GALNT13: variants seen among roughly 807,000 people sequenced by gnomAD.
The protein encoded by GALNT13 is UDP-GalNAc:polypeptide N-acetylgalactosaminyltransferase 13.
GALNT13 carries 28 observed loss-of-function variants against 64.2 expected under a neutral mutation model. The observed-to-expected ratio is 0.44, with a 90% CI of 0.32 to 0.60. GALNT13 has a LOEUF of 0.60. Ranked by LOEUF, GALNT13 falls within the 20% of genes least tolerant of loss-of-function variation. The probability of loss-of-function intolerance (pLI) is 0.05; values close to 1 mark genes in which losing one functional copy is unlikely to be tolerated. For missense variants in GALNT13, 577 were observed against 669.8 expected (o/e 0.86, Z 1.53); for synonymous variants, 214 against 224.6 (o/e 0.95, Z 0.42).
At chr2:153,661,683 G>T in the GALNT13 span, among the ~76,000 whole-genome samples, 1 of 152,162 alleles carries the variant, frequency 6.6e-6, no homozygotes, top group Non-Finnish European at 1.5e-5. Flanking sequence ...AAGAGATGAT[G>T]CAAATGAGTT....
chr2:154,036,226 G>A (rs1304350073), intron 3 of GALNT13, among the ~76,000 whole-genome samples: 1 of 152,068 alleles, frequency 6.6e-6, no homozygotes, highest in Admixed American at 6.6e-5. Flanking sequence ...TAAAGTGAGA[G>A]TATTTCAAAT....
intron 4 of GALNT13, among the ~76,000 whole-genome samples, chr2:154,179,684 G>T (rs1685849312): frequency 6.6e-6 from 1 of 151,930 alleles, no homozygotes; most frequent in Admixed American, 6.6e-5. Context: ...CGTACTAAAT[G>T]CTCATCTTTA....
At chr2:153,178,328 G>C in the GALNT13 span, among the ~76,000 whole-genome samples, 9 of 152,290 alleles carry the variant, frequency 5.9e-5, no homozygotes, top group East Asian at 1.7e-3. Flanking sequence ...CCCACCAACA[G>C]TGTACAATGG....
chr2:153,664,907 AC>A, the GALNT13 span, among the ~76,000 whole-genome samples: 1 of 152,164 alleles, frequency 6.6e-6, no homozygotes, highest in Non-Finnish European at 1.5e-5. Context: ...AAACTTCTGG[AC>A]CACAAATGGT....
chr2:153,272,161 A>C, the GALNT13 span, among the ~76,000 whole-genome samples: 1 of 152,214 alleles, frequency 6.6e-6, no homozygotes, highest in Non-Finnish European at 1.5e-5. Flanking sequence ...TAAAAACCCT[A>C]GAAGAAAACC....
intron 3 of GALNT13, among the ~76,000 whole-genome samples, chr2:154,020,310 T>C (rs942605467): frequency 1.2e-4 from 18 of 152,172 alleles, no homozygotes; most frequent in African/African-American, 3.1e-4. Context: ...GTTTACAGTC[T>C]CACCAACAGT....
intron 3 of GALNT13, among the ~76,000 whole-genome samples, chr2:154,029,332 C>A (rs1339336660): frequency 6.6e-6 from 1 of 151,736 alleles, no homozygotes; most frequent in Admixed American, 6.6e-5. Flanking sequence ...AGAAGAAAAG[C>A]CTTAAACTGC....
At chr2:154,145,078 A>C (rs370047182) in intron 4 of GALNT13, among the ~76,000 whole-genome samples, 14,035 of 97,358 alleles carry the variant, frequency 0.14, 1,078 homozygotes, top group South Asian at 0.25. Flanking sequence ...CTCTCTATCT[A>C]TCTATCTATC....
At chr2:154,380,230 C>T (rs1698203097) in intron 9 of GALNT13, among the ~76,000 whole-genome samples, 2 of 151,826 alleles carry the variant, frequency 1.3e-5, no homozygotes, top group African/African-American at 2.4e-5. Flanking sequence ...ATATGTTTTA[C>T]CCAGGAGTAA....
At chr2:153,576,155 T>TTCCTC in the GALNT13 span, among the ~76,000 whole-genome samples, 8,878 of 152,012 alleles carry the variant, frequency 0.058, 442 homozygotes, top group East Asian at 0.15. Context: ...TCCCCACTCT[T>TTCCTC]TCCTCTCCTC....
At chr2:153,698,411 G>C in the GALNT13 span, among the ~76,000 whole-genome samples, 2 of 151,688 alleles carry the variant, frequency 1.3e-5, no homozygotes, top group African/African-American at 4.8e-5. Context: ...AATTTACCAA[G>C]CAAATAGAAA....
At chr2:154,277,377 A>T (rs1488645559) in intron 8 of GALNT13, among the ~76,000 whole-genome samples, 1 of 152,184 alleles carries the variant, frequency 6.6e-6, no homozygotes, top group African/African-American at 2.4e-5. Context: ...TGTATTTTTT[A>T]TTAAAGAGCC....
At chr2:153,215,036 C>T in the GALNT13 span, among the ~76,000 whole-genome samples, 7 of 152,088 alleles carry the variant, frequency 4.6e-5, no homozygotes, top group Non-Finnish European at 8.8e-5. Flanking sequence ...TGACGATACT[C>T]ACCATCACTA....
At chr2:153,450,172 A>G in the GALNT13 span, among the ~76,000 whole-genome samples, 1 of 152,186 alleles carries the variant, frequency 6.6e-6, no homozygotes, top group African/African-American at 2.4e-5. Context: ...TCAGATTAGT[A>G]ATGTGAAGCC....
chr2:153,200,426 G>A, the GALNT13 span, among the ~76,000 whole-genome samples: 1 of 152,218 alleles, frequency 6.6e-6, no homozygotes, highest in Admixed American at 6.5e-5. Flanking sequence ...TTAGAACTAA[G>A]ACAAATAGTA....
the GALNT13 span, among the ~76,000 whole-genome samples, chr2:153,236,511 C>T: frequency 6.6e-6 from 1 of 152,048 alleles, no homozygotes; most frequent in East Asian, 1.9e-4. Flanking sequence ...ATTTACCATT[C>T]CCCAAATCCG....
At chr2:153,505,196 T>C in the GALNT13 span, among the ~76,000 whole-genome samples, 1 of 152,176 alleles carries the variant, frequency 6.6e-6, no homozygotes, top group Non-Finnish European at 1.5e-5. Flanking sequence ...TTGAATAATA[T>C]TTTGTATTTC....
rs182592181 is a variant in GALNT13 at position 153,999,757 on chromosome 2, T to C, written c.142+55118T>C. ...GGATTTTTGCATTTATGTTTATTAG[T>C]GATACTGGCCTGTAGTTTGTTTTGT... On this transcript the variant is annotated intron_variant, in intron 3 of 12. Transcript: ENST00000392825. Among the ~76,000 whole-genome samples the C allele has an allele frequency of 7.2e-5, 11 of 152,150 alleles. No individual in the cohort carries two copies. In the East Asian group the frequency reaches 1.7e-3, roughly 24 times the overall value.
chr2:153,136,335 T>G, the GALNT13 span, among the ~76,000 whole-genome samples: 577 of 152,082 alleles, frequency 3.8e-3, 2 homozygotes, highest in African/African-American at 0.013. Context: ...ACCAACAGAG[T>G]ATCCTCTGCA....
Sources: gnomAD v4.1 joint callset for allele counts (sites outside exome capture counted in the v4.1 genomes callset) on GRCh38, gnomAD v4.1.1 for gene constraint, MANE v1.5 for transcripts, NCBI Gene and HGNC (gene_info 2026-07-23, HGNC 2026-07-21) for gene names.